The following ZNF804B variants were observed in gnomAD, a reference collection of about 807,000 sequenced individuals.
ZNF804B encodes zinc finger 804B.
Under a neutral mutation model 101.4 loss-of-function variants are expected in ZNF804B, and 80 were observed. The ratio of observed to expected loss-of-function variants is 0.79; its 90% CI spans 0.66 to 0.95. The LOEUF (loss-of-function observed/expected upper bound fraction) is 0.95, where lower values mean the gene tolerates loss of function less well. Ranked by LOEUF, ZNF804B falls within the 40% of genes least tolerant of loss-of-function variation. ZNF804B has a pLI of 0.00. For missense variants in ZNF804B, 1,673 were observed against 1,561.9 expected (o/e 1.07, Z -1.20); for synonymous variants, 622 against 558.8 (o/e 1.11, Z -1.59).
chr7:89,058,987 G>T (rs937634502), intron 1 of ZNF804B, among the ~76,000 whole-genome samples: 8 of 152,060 alleles, frequency 5.3e-5, no homozygotes, highest in African/African-American at 1.9e-4. Context: ...GAGCCATCAT[G>T]CCCAGCTGGA....
intron 2 of ZNF804B, among the ~76,000 whole-genome samples, chr7:89,309,759 C>CAAAAAAAAAAAAAAAAAA (rs397791531): frequency 2.8e-5 from 2 of 70,792 alleles, no homozygotes; most frequent in African/African-American, 1.3e-4. Flanking sequence ...GACCCTGTCT[C>CAAAAAAAAAAAAAAAAAA]AAAAAAAAAA....
intron 1 of ZNF804B, among the ~76,000 whole-genome samples, chr7:88,942,416 T>C (rs1247089599): frequency 6.6e-6 from 1 of 151,710 alleles, no homozygotes; most frequent in Non-Finnish European, 1.5e-5. Flanking sequence ...TATGTATAAA[T>C]GAGGAGAGTG....
At chr7:88,962,129 C>T (rs1409617992) in intron 1 of ZNF804B, among the ~76,000 whole-genome samples, 1 of 151,246 alleles carries the variant, frequency 6.6e-6, no homozygotes, top group Non-Finnish European at 1.5e-5. Flanking sequence ...CTGGTAATGA[C>T]AATTCATTGT....
intron 1 of ZNF804B, among the ~76,000 whole-genome samples, chr7:89,114,436 A>C (rs1790277376): frequency 6.6e-6 from 1 of 152,222 alleles, no homozygotes; most frequent in South Asian, 2.1e-4. Context: ...ATGACAATGC[A>C]GAGATGTCAG....
At chr7:88,968,529 C>T (rs1457709882) in intron 1 of ZNF804B, among the ~76,000 whole-genome samples, 1 of 151,596 alleles carries the variant, frequency 6.6e-6, no homozygotes, top group Non-Finnish European at 1.5e-5. Context: ...TCTTTCTTTG[C>T]CTACAAGATT....
chr7:89,012,143 C>T (rs927273825), intron 1 of ZNF804B, among the ~76,000 whole-genome samples: 2 of 152,292 alleles, frequency 1.3e-5, no homozygotes, highest in African/African-American at 4.8e-5. Flanking sequence ...GAGGCAATGG[C>T]CTGAGCTGTA....
chr7:88,925,395 A>G (rs897971336), intron 1 of ZNF804B, among the ~76,000 whole-genome samples: 4 of 152,166 alleles, frequency 2.6e-5, no homozygotes, highest in African/African-American at 4.8e-5. Flanking sequence ...AGATCTCTAA[A>G]TAGGCGACTA....
chr7:89,221,417 C>T (rs754102085), intron 2 of ZNF804B, among the ~76,000 whole-genome samples: 14 of 151,752 alleles, frequency 9.2e-5, no homozygotes, highest in African/African-American at 1.2e-4. Flanking sequence ...GCCTTACACA[C>T]GTATAAATGG....
At chr7:88,835,284 A>C (rs1373185953) in intron 1 of ZNF804B, among the ~76,000 whole-genome samples, 4 of 151,856 alleles carry the variant, frequency 2.6e-5, no homozygotes, top group Non-Finnish European at 4.4e-5. Context: ...AAGTAGCTAC[A>C]CCTTCACATC....
intron 1 of ZNF804B, among the ~76,000 whole-genome samples, chr7:88,904,852 G>A (rs1295465671): frequency 6.6e-6 from 1 of 152,166 alleles, no homozygotes; most frequent in Non-Finnish European, 1.5e-5. Context: ...TCTTTTGCGA[G>A]TTTTTAGGGT....
intron 1 of ZNF804B, among the ~76,000 whole-genome samples, chr7:88,985,829 A>G (rs1436180598): frequency 6.6e-6 from 1 of 152,116 alleles, no homozygotes; most frequent in Non-Finnish European, 1.5e-5. Flanking sequence ...ATCATTCCTC[A>G]TTAGTAAAGT....
chr7:89,104,415 CA>C (rs1193615993), intron 1 of ZNF804B, among the ~76,000 whole-genome samples: 1 of 151,858 alleles, frequency 6.6e-6, no homozygotes, highest in Non-Finnish European at 1.5e-5. Context: ...TGTTCTTCTT[CA>C]TTATTGGTTT....
intron 1 of ZNF804B, among the ~76,000 whole-genome samples, chr7:89,021,451 C>T (rs1421989378): frequency 6.6e-6 from 1 of 152,124 alleles, no homozygotes; most frequent in Non-Finnish European, 1.5e-5. Flanking sequence ...AGGGTGTGTC[C>T]ACTGGGCTGT....
At chr7:89,215,914 A>AATAAATAAATAAATAC (rs1562918634) in intron 1 of ZNF804B, among the ~76,000 whole-genome samples, 62 of 150,586 alleles carry the variant, frequency 4.1e-4, no homozygotes, top group African/African-American at 1.4e-3. Flanking sequence ...TAAATAAATA[A>AATAAATAAATAAATAC]ATAAATAAAT....
At chr7:88,934,379 A>G (rs1212700538) in intron 1 of ZNF804B, among the ~76,000 whole-genome samples, 1 of 152,064 alleles carries the variant, frequency 6.6e-6, no homozygotes, top group African/African-American at 2.4e-5. Context: ...CAAATGCAAC[A>G]AAAACAAAAA....
chr7:88,977,815 AT>A (rs1330794427), intron 1 of ZNF804B, among the ~76,000 whole-genome samples: 15 of 151,002 alleles, frequency 9.9e-5, no homozygotes, highest in Non-Finnish European at 2.2e-4. Flanking sequence ...TTTAAGATGC[AT>A]CATTAGGTTG....
intron 1 of ZNF804B, among the ~76,000 whole-genome samples, chr7:88,893,098 C>A (rs1033447995): frequency 1.3e-5 from 2 of 152,032 alleles, no homozygotes; most frequent in Admixed American, 6.6e-5. Context: ...CTTCTTATCC[C>A]TCAAGCACTT....
chr7:88,925,200 T>C (rs1792777837), intron 1 of ZNF804B, among the ~76,000 whole-genome samples: 1 of 152,148 alleles, frequency 6.6e-6, no homozygotes, highest in African/African-American at 2.4e-5. Flanking sequence ...CCACTCACTG[T>C]CCTCTGAGGC....
chr7:89,034,206 CA>C (rs1370276149), intron 1 of ZNF804B, among the ~76,000 whole-genome samples: 20 of 152,064 alleles, frequency 1.3e-4, no homozygotes. Context: ...GTTAATAAAG[CA>C]AAGTCACTGC....
Sources: gnomAD v4.1 joint callset for allele counts (sites outside exome capture counted in the v4.1 genomes callset) on GRCh38, gnomAD v4.1.1 for gene constraint, MANE v1.5 for transcripts, NCBI Gene and HGNC (gene_info 2026-07-23, HGNC 2026-07-21) for gene names.